NIT2: variants seen among roughly 807,000 people sequenced by gnomAD.
The protein encoded by NIT2 is nitrilase family member 2, also known as omega-amidase NIT2.
Under a neutral mutation model 42.7 loss-of-function variants are expected in NIT2, and 46 were observed. The ratio of observed to expected loss-of-function variants is 1.08; its 90% CI spans 0.85 to 1.38. NIT2 has a LOEUF of 1.38. NIT2 is among the 40% of genes most tolerant of loss of function. The pLI, the probability that NIT2 is intolerant of heterozygous loss-of-function variation, is 0.00. For synonymous variants in NIT2, 123 were observed against 121.9 expected (o/e 1.01, Z -0.06); for missense variants, 309 against 342.5 (o/e 0.90, Z 0.77).
At chr3:100,343,960 C>T (rs928107679) in intron 4 of NIT2, among the ~76,000 whole-genome samples, 3 of 152,252 alleles carry the variant, frequency 2.0e-5, no homozygotes, top group Non-Finnish European at 2.9e-5. Flanking sequence ...AACTTGGCCG[C>T]ACCCAAACAC....
chr3:100,338,608 T>A (rs1706106224), intron 1 of NIT2, among the ~76,000 whole-genome samples: 2 of 152,148 alleles, frequency 1.3e-5, no homozygotes, highest in Admixed American at 1.3e-4. Context: ...ACACTTTCTG[T>A]GCTGGGACAT....
intron 4 of NIT2, among the ~76,000 whole-genome samples, chr3:100,345,359 A>C (rs1363193643): frequency 6.6e-6 from 1 of 152,206 alleles, no homozygotes; most frequent in Non-Finnish European, 1.5e-5. Flanking sequence ...ACTGCTAGAA[A>C]ATAGGGGTTA....
rs1488680087 is a variant in NIT2, at chr3:100,356,963, CTGTA to C, written c.*1699_*1702del. ...TCAAAATCACTCAAAATTACATACT[CTGTA>C]TGTCTTCTTTCACTCAAAATTACTT... On this transcript the variant is annotated 3_prime_UTR_variant, in exon 10 of 10. Coordinates refer to ENST00000394140, the MANE Select transcript of NIT2 (RefSeq NM_020202.5). The C allele has an allele frequency of 6.6e-6, 1 of 152,226 alleles. No homozygotes were observed. The highest frequency in any genetic ancestry group is 2.4e-5 in the African/African-American group (1 of 41,462). 9.4% of individuals were successfully genotyped at this position (152,226 alleles called of 1,614,324 possible). A position where few individuals can be genotyped will look rare whatever the true frequency, so the allele number is the denominator to read the frequency against.
At chr3:100,338,984 G>GT in intron 1 of NIT2, 103 bp from the exon 2 acceptor site, 1 of 799,364 alleles carries the variant, frequency 1.3e-6, no homozygotes, top group Non-Finnish European at 2.2e-6. Flanking sequence ...ATTGTCAGAT[G>GT]TCCCCCCGGG....
chr3:100,349,977 C>A (rs1045759796), intron 7 of NIT2: 7 of 152,010 alleles, frequency 4.6e-5, no homozygotes, highest in African/African-American at 1.4e-4. Context: ...TGAAGTAATA[C>A]AAAAAAAGTG....
chr3:100,336,095 T>C (rs2148879822), intron 1 of NIT2, among the ~76,000 whole-genome samples: 1 of 152,346 alleles, frequency 6.6e-6, no homozygotes, highest in South Asian at 2.1e-4. Context: ...TTAAATTTAG[T>C]GCTTCTCACT....
At chr3:100,342,221 G>A (rs1053706897) in intron 4 of NIT2, among the ~76,000 whole-genome samples, 5 of 152,030 alleles carry the variant, frequency 3.3e-5, no homozygotes, top group Non-Finnish European at 2.9e-5. Flanking sequence ...CTGGTACGTG[G>A]TTTTTCCAGT....
intron 2 of NIT2, 149 bp from the exon 3 acceptor site, chr3:100,339,666 C>A: frequency 2.8e-6 from 2 of 709,162 alleles, no homozygotes; most frequent in Admixed American, 3.1e-5. Flanking sequence ...GGCTCTTTAC[C>A]CTTGAGATGT....
intron 2 of NIT2, 58 bp from the exon 3 acceptor site, chr3:100,339,757 G>GAACTTTAA (rs1706126606): frequency 6.4e-7 from 1 of 1,558,370 alleles, no homozygotes; most frequent in Admixed American, 1.8e-5. Flanking sequence ...TCTTACAGCA[G>GAACTTTAA]AACTTTAAAA....
intron 6 of NIT2, among the ~76,000 whole-genome samples, chr3:100,346,990 A>T (rs1220222575): frequency 6.6e-6 from 1 of 152,202 alleles, no homozygotes; most frequent in Non-Finnish European, 1.5e-5. Flanking sequence ...GCCTTAGGGC[A>T]ACTCCTCGGC....
At chr3:100,340,944 A>G (rs913065721) in intron 3 of NIT2, 129 bp from the exon 4 acceptor site, 1 of 635,798 alleles carries the variant, frequency 1.6e-6, no homozygotes, top group Admixed American at 2.9e-5. Context: ...TCTAAAAACA[A>G]AATGAATAAA....
chr3:100,338,528 G>C (rs1438159751), intron 1 of NIT2, among the ~76,000 whole-genome samples: 1 of 152,170 alleles, frequency 6.6e-6, no homozygotes, highest in Non-Finnish European at 1.5e-5. Flanking sequence ...TGGGGAAACT[G>C]AGACAGACAT....
At chr3:100,341,801 G>A (rs1446108815) in intron 4 of NIT2, among the ~76,000 whole-genome samples, 1 of 152,094 alleles carries the variant, frequency 6.6e-6, no homozygotes. Context: ...CAGCACTTTG[G>A]GAGGTCTGAG....
chr3:100,346,497 A>G (rs535514476), intron 6 of NIT2, among the ~76,000 whole-genome samples: 73 of 152,172 alleles, frequency 4.8e-4, no homozygotes, highest in African/African-American at 1.6e-3. Context: ...GGTCTGGTCT[A>G]CCCTTGAGTC....
At chr3:100,341,047 T>TA (rs759861966) in intron 3 of NIT2, 26 bp from the exon 4 acceptor site, 17 of 1,477,800 alleles carry the variant, frequency 1.2e-5, no homozygotes, top group Non-Finnish European at 1.6e-5. Context: ...CTTTTTCTTA[T>TA]GGTATGTTTC....
At chr3:100,355,104 G>C in intron 9 of NIT2, 73 bp from the exon 10 acceptor site, 2 of 1,112,346 alleles carry the variant, frequency 1.8e-6, no homozygotes, top group Non-Finnish European at 1.4e-6. Flanking sequence ...GGTTTATACA[G>C]TCAGGGGAAG....
chr3:100,351,004 A>G (rs867104732), intron 7 of NIT2, among the ~76,000 whole-genome samples: 9 of 151,946 alleles, frequency 5.9e-5, no homozygotes, highest in African/African-American at 9.7e-5. Context: ...ATGATTTCCA[A>G]TTTCATCCAT....
Position 100,352,463 on chromosome 3 carries a change from C to G in NIT2, c.644C>G (p.Ser215Cys), listed in dbSNP as rs1181720755. 1 of 1,613,608 alleles carries G rather than the reference C, an allele frequency of 6.2e-7. No individual in the cohort carries two copies. Among genetic ancestry groups the G allele is most frequent in the South Asian group, 1.1e-5 (1 of 91,072 alleles). Reference sequence around the variant, plus strand: ...TCTCCTGCCCGGGATGACAAAGCCTCCTATGTTGCCTGGGGACACAGCACC... The same window carrying G: ...TCTCCTGCCCGGGATGACAAAGCCTGCTATGTTGCCTGGGGACACAGCACC... ...TASPARDDKA[S>C]YVAWGHSTVV... Residue 215 changes from serine (S) to cysteine (C), a missense_variant, in exon 8 of 10, where the codon TCC becomes TGC. Physicochemically the swap from Ser to Cys is moderately radical, Grantham distance 112. Coordinates refer to ENST00000394140, the MANE Select transcript of NIT2 (RefSeq NM_020202.5).
intron 4 of NIT2, among the ~76,000 whole-genome samples, chr3:100,345,277 AT>A (rs1706203335): frequency 6.6e-6 from 1 of 152,168 alleles, no homozygotes; most frequent in African/African-American, 2.4e-5. Flanking sequence ...AGAAGTCTTT[AT>A]TTAGCATTTA....
Sources: allele counts gnomAD v4.1 joint callset (sites outside exome capture counted in the v4.1 genomes callset), GRCh38; gene constraint gnomAD v4.1.1; transcripts MANE v1.5; gene names NCBI Gene and HGNC (gene_info 2026-07-23, HGNC 2026-07-21).